Variants in CD38 observed in about 807,000 individuals in gnomAD.
CD38 encodes ADP-ribosyl cyclase/cyclic ADP-ribose hydrolase 1.
A neutral mutation model predicts 36.3 loss-of-function variants in CD38; 31 were observed. That is an observed-to-expected ratio of 0.85 (90% CI 0.64 to 1.15). The LOEUF (loss-of-function observed/expected upper bound fraction) is 1.15. CD38 is among the 50% of genes most tolerant of loss of function. The pLI is 0.00. For missense variants in CD38, 380 were observed against 371.9 expected (o/e 1.02, Z -0.18); for synonymous variants, 131 against 135.2 (o/e 0.97, Z 0.22).
rs1179637301 is a variant in CD38 at position 15,778,705 on chromosome 4, G to A, written c.233+58G>A. 3 of 1,250,030 alleles carry A rather than the reference G, an allele frequency of 2.4e-6. No homozygotes were observed. Among genetic ancestry groups the A allele is most frequent in the Non-Finnish European group, 3.4e-6 (3 of 871,116 alleles). The allele number at this position is 1,250,030 out of a possible 1,614,324, so 77.4% of individuals were successfully genotyped here. On this transcript the variant is annotated intron_variant, in intron 1 of 7. Coordinates refer to ENST00000226279, the MANE Select transcript of CD38 (RefSeq NM_001775.4). This position sits in a 1 kb window ranked among gnomAD's most constrained non-coding sequence, Gnocchi z 4.9. ...CTGCGGGGACAGCAGGGCCCCGCGC[G>A]CAGGGAAGCCGCCCGGATCGCCCGG...
intron 1 of CD38, among the ~76,000 whole-genome samples, chr4:15,794,650 A>G (rs979287499): frequency 6.6e-6 from 1 of 152,118 alleles, no homozygotes; most frequent in African/African-American, 2.4e-5. Context: ...AAAACAGAAG[A>G]GAGAGGAATT....
intron 1 of CD38, among the ~76,000 whole-genome samples, chr4:15,794,145 C>T (rs1364569834): frequency 1.3e-5 from 2 of 152,246 alleles, no homozygotes; most frequent in Admixed American, 1.3e-4. Context: ...CTGCTGTCTT[C>T]TGCCCTGGAT....
chr4:15,812,360 T>C (rs945678781), intron 1 of CD38, among the ~76,000 whole-genome samples: 6 of 152,210 alleles, frequency 3.9e-5, no homozygotes, highest in Non-Finnish European at 8.8e-5. Flanking sequence ...AGAGATTACA[T>C]TGAAGCTGTA....
At chr4:15,832,472 A>C (rs1112244) in intron 3 of CD38, among the ~76,000 whole-genome samples, 8,945 of 152,280 alleles carry the variant, frequency 0.059, 362 homozygotes, top group East Asian at 0.18. Context: ...GGGGCCCTGC[A>C]AGCCTAGTAA....
At chr4:15,814,888 C>T (rs1233803387) in intron 1 of CD38, among the ~76,000 whole-genome samples, 4 of 151,626 alleles carry the variant, frequency 2.6e-5, no homozygotes, top group Admixed American at 1.3e-4. Context: ...CTCACTGCAA[C>T]CTCCGCCTCC....
At position 15,812,213 on chromosome 4, in the gene CD38, T is replaced by A. The variant is rs567214414; in HGVS notation, c.234-4298T>A. On this transcript the variant is annotated intron_variant, in intron 1 of 7. Coordinates refer to ENST00000226279, the MANE Select transcript of CD38 (RefSeq NM_001775.4). The stretch of plus-strand genomic sequence containing the variant: ...GATTACTGTAGCATTGTAGTAAGTT[T>A]TGAAATCAGGAAGTTTGTGTCTTTC... Among the ~76,000 whole-genome samples, 26 of 152,348 alleles carry A rather than the reference T, an allele frequency of 1.7e-4. No individual in the cohort carries two copies. In the East Asian group the frequency reaches 4.8e-3, roughly 28 times the overall value.
At position 15,852,703 on chromosome 4, in the gene CD38, T is replaced by C. The variant is rs1346103139; in HGVS notation, c.*4101T>C. ...TTTAAGCAATCCACCAAGAACTCAG[T>C]AGGCAGCTGAGAGGTGCTGCCCAGA... On this transcript the variant is annotated 3_prime_UTR_variant, in exon 8 of 8. Coordinates refer to ENST00000226279, the MANE Select transcript of CD38 (RefSeq NM_001775.4). The C allele has an allele frequency of 6.6e-6, 1 of 152,112 alleles. No homozygotes were observed. The highest frequency in any genetic ancestry group is 1.5e-5 in the Non-Finnish European group (1 of 68,018). The allele number at this position is 152,112 out of a possible 1,614,324, so 9.4% of individuals were successfully genotyped here.
intron 3 of CD38, 124 bp from the exon 4 acceptor site, chr4:15,834,093 C>T (rs1259755557): frequency 1.2e-5 from 8 of 644,792 alleles, no homozygotes; most frequent in Non-Finnish European, 2.8e-6. Flanking sequence ...GTCCATTCTC[C>T]AGCCTCCGTC....
chr4:15,840,687 G>C (rs2148928751), intron 7 of CD38, 149 bp downstream of exon 7: 1 of 590,038 alleles, frequency 1.7e-6, no homozygotes, highest in East Asian at 2.9e-5. Flanking sequence ...GGTGATCTCT[G>C]TCCCTCCTTC....
chr4:15,787,669 C>G (rs182381141), intron 1 of CD38, among the ~76,000 whole-genome samples: 1 of 152,162 alleles, frequency 6.6e-6, no homozygotes, highest in Non-Finnish European at 1.5e-5. Flanking sequence ...AGGACGTGTT[C>G]CTTGTGGTTT....
chr4:15,823,207 C>G (rs1290271402), intron 2 of CD38, among the ~76,000 whole-genome samples: 1 of 152,050 alleles, frequency 6.6e-6, no homozygotes, highest in African/African-American at 2.4e-5. Flanking sequence ...ATGTATAACC[C>G]AAAACTATAA....
chr4:15,836,556 A>C (rs969454754), intron 4 of CD38, among the ~76,000 whole-genome samples: 1 of 152,198 alleles, frequency 6.6e-6, no homozygotes, highest in Non-Finnish European at 1.5e-5. Flanking sequence ...AAATCCCTAC[A>C]TTAAAGGTGA....
chr4:15,799,969 A>G (rs1482329326), intron 1 of CD38, among the ~76,000 whole-genome samples: 1 of 152,180 alleles, frequency 6.6e-6, no homozygotes, highest in Non-Finnish European at 1.5e-5. Flanking sequence ...TAATAAACAC[A>G]TTATTTTCCC....
At chr4:15,790,263 G>C (rs893746298) in intron 1 of CD38, among the ~76,000 whole-genome samples, 1 of 150,778 alleles carries the variant, frequency 6.6e-6, no homozygotes, top group African/African-American at 2.4e-5. Context: ...CTGCCATCTC[G>C]GCTCACTGCA....
chr4:15,835,761 C>G (rs1020782788), intron 4 of CD38, among the ~76,000 whole-genome samples: 1 of 152,182 alleles, frequency 6.6e-6, no homozygotes, highest in Non-Finnish European at 1.5e-5. Context: ...ATCTACCCAC[C>G]TTGGCCTCCC....
At chr4:15,830,717 C>G (rs1723942577) in intron 3 of CD38, among the ~76,000 whole-genome samples, 1 of 151,980 alleles carries the variant, frequency 6.6e-6, no homozygotes, top group South Asian at 2.1e-4. Context: ...TAGTAGTTTG[C>G]AGTAGTTTCA....
Position 15,848,739 on chromosome 4 carries a change from CT to C in CD38, c.*142del. 22 of 590,280 alleles carry C rather than the reference CT, an allele frequency of 3.7e-5. No individual in the cohort carries two copies. The highest frequency in any genetic ancestry group is 7.5e-5 in the South Asian group (3 of 40,074). The allele number at this position is 590,280 out of a possible 1,614,324, so 36.6% of individuals were successfully genotyped here. On this transcript the variant is annotated 3_prime_UTR_variant, in exon 8 of 8. Transcript: ENST00000226279. ...TAAGGTCAATGCCAGAGACGGAAGC[CT>C]TTTTCCCCAAAGTCTTAAAATAACT...
intron 1 of CD38, among the ~76,000 whole-genome samples, chr4:15,786,186 G>T (rs570278986): frequency 2.6e-5 from 4 of 152,226 alleles, no homozygotes; most frequent in Non-Finnish European, 4.4e-5. Context: ...CCCCAGTGTA[G>T]AAGTGTAGAA....
At chr4:15,840,634 A>G in intron 7 of CD38, 96 bp downstream of exon 7, 1 of 696,298 alleles carries the variant, frequency 1.4e-6, no homozygotes. Flanking sequence ...GGGCTGTGTG[A>G]ATCTTTCTTG....
Sources: gnomAD v4.1 joint callset for allele counts (sites outside exome capture counted in the v4.1 genomes callset) on GRCh38, gnomAD v4.1.1 for gene constraint, Gnocchi (gnomAD v3.1) non-coding constraint, MANE v1.5 for transcripts, NCBI Gene and HGNC (gene_info 2026-07-23, HGNC 2026-07-21) for gene names.